COL24A1: variants seen among roughly 807,000 people sequenced by gnomAD.
COL24A1 encodes collagen type XXIV alpha 1 chain, also known as collagen alpha-1(XXIV) chain.
In COL24A1, 224 loss-of-function variants were observed where a neutral mutation model predicts 253.9. The observed-to-expected ratio is 0.88, with a 90% CI of 0.79 to 0.99. COL24A1 has a LOEUF of 0.99. Among genes scored for constraint, COL24A1 ranks in the 50% least tolerant of loss-of-function variants. The probability of loss-of-function intolerance (pLI) is 0.00; values close to 1 mark genes in which losing one functional copy is unlikely to be tolerated. For synonymous variants in COL24A1, 685 were observed against 673.7 expected (o/e 1.02, Z -0.26); for missense variants, 2,131 against 2,068.5 (o/e 1.03, Z -0.59).
chr1:85,812,614 A>C (rs1301567593), intron 47 of COL24A1, among the ~76,000 whole-genome samples: 1 of 152,210 alleles, frequency 6.6e-6, no homozygotes, highest in Non-Finnish European at 1.5e-5. Context: ...GCTAATGATA[A>C]GAAGGTCCGA....
At chr1:86,099,980 G>A (rs71506585) in intron 5 of COL24A1, among the ~76,000 whole-genome samples, 1,928 of 151,844 alleles carry the variant, frequency 0.013, 22 homozygotes, top group Middle Eastern at 0.048. Flanking sequence ...GGGTACATGT[G>A]CACTATACCC....
At chr1:85,738,713 T>C (rs561191476) in intron 57 of COL24A1, among the ~76,000 whole-genome samples, 1 of 152,314 alleles carries the variant, frequency 6.6e-6, no homozygotes, top group Admixed American at 6.5e-5. Flanking sequence ...CATTCCACTT[T>C]TATTCCATAG....
chr1:85,837,461 C>T (rs1156521863), intron 43 of COL24A1, among the ~76,000 whole-genome samples: 1 of 152,002 alleles, frequency 6.6e-6, no homozygotes, highest in African/African-American at 2.4e-5. Context: ...CAGACATGAC[C>T]ACAGGAATTT....
chr1:85,790,167 G>A (rs1033234787), intron 47 of COL24A1, among the ~76,000 whole-genome samples: 5 of 152,046 alleles, frequency 3.3e-5, no homozygotes, highest in African/African-American at 1.2e-4. Flanking sequence ...ATTCAGTTAC[G>A]AATCCATCTA....
intron 1 of COL24A1, among the ~76,000 whole-genome samples, chr1:86,148,725 A>G (rs1327160820): frequency 1.3e-5 from 2 of 152,142 alleles, no homozygotes; most frequent in Non-Finnish European, 1.5e-5. Context: ...TATATGTGCC[A>G]CATTTTCTTA....
intron 45 of COL24A1, among the ~76,000 whole-genome samples, chr1:85,818,679 G>T (rs1439112133): frequency 1.3e-5 from 2 of 152,332 alleles, no homozygotes; most frequent in Admixed American, 1.3e-4. Context: ...GCAGTAATGG[G>T]TCTGCCAGGA....
intron 47 of COL24A1, among the ~76,000 whole-genome samples, chr1:85,789,162 C>T (rs927576824): frequency 6.6e-6 from 1 of 152,154 alleles, no homozygotes; most frequent in African/African-American, 2.4e-5. Flanking sequence ...GCAGTATGGT[C>T]ATTTTCACAA....
intron 57 of COL24A1, among the ~76,000 whole-genome samples, chr1:85,741,851 T>G (rs1421819575): frequency 6.6e-6 from 1 of 152,200 alleles, no homozygotes; most frequent in Non-Finnish European, 1.5e-5. Context: ...ACTACTACCA[T>G]TCCTCTAAAC....
At chr1:85,770,924 T>C (rs1332271367) in intron 53 of COL24A1, among the ~76,000 whole-genome samples, 1 of 152,182 alleles carries the variant, frequency 6.6e-6, no homozygotes, top group Non-Finnish European at 1.5e-5. Context: ...GGTATATGCC[T>C]AAAGCGAATT....
chr1:85,954,144 A>G (rs1690206996), intron 24 of COL24A1, among the ~76,000 whole-genome samples: 1 of 152,190 alleles, frequency 6.6e-6, no homozygotes, highest in African/African-American at 2.4e-5. Flanking sequence ...ACTCTTTAAT[A>G]TGGCACGTAT....
intron 19 of COL24A1, among the ~76,000 whole-genome samples, chr1:85,995,575 C>T (rs1694710248): frequency 6.6e-6 from 1 of 152,010 alleles, no homozygotes; most frequent in South Asian, 2.1e-4. Flanking sequence ...CCCATGGTAC[C>T]CTGAGGAGGG....
chr1:86,092,266 C>A lies in COL24A1; in HGVS notation c.1653+1G>T. The A allele has an allele frequency of 6.3e-7, 1 of 1,591,524 alleles. No individual in the cohort carries two copies. The highest frequency in any genetic ancestry group is 8.6e-7 in the Non-Finnish European group (1 of 1,163,724). Reference sequence around the variant, plus strand: ...ATTTCATTTCATGGTCAAATAATTACCTTTTCTCCAGGAACAGGTTGACCT... The same window carrying A: ...ATTTCATTTCATGGTCAAATAATTAACTTTTCTCCAGGAACAGGTTGACCT... On this transcript the variant is annotated splice_donor_variant, in intron 6 of 59. Coordinates refer to ENST00000370571, the MANE Select transcript of COL24A1 (RefSeq NM_152890.7). LOFTEE classifies it high-confidence loss of function.
chr1:85,966,083 G>C (rs1448530240), intron 22 of COL24A1, among the ~76,000 whole-genome samples: 1 of 152,128 alleles, frequency 6.6e-6, no homozygotes, highest in Non-Finnish European at 1.5e-5. Context: ...CCAAGTGAGA[G>C]ATGATGGGGA....
chr1:86,071,236 A>T (rs1250353825), intron 7 of COL24A1, among the ~76,000 whole-genome samples: 2 of 152,296 alleles, frequency 1.3e-5, no homozygotes, highest in East Asian at 3.9e-4. Context: ...AACCAAAAAA[A>T]CATACAACAG....
In COL24A1 at chr1:85,839,558, T is replaced by A. The variant is rs997270715; in HGVS notation, c.3628-920A>T. Among the ~76,000 whole-genome samples, 3 of 151,300 alleles carry A rather than the reference T, an allele frequency of 2.0e-5. No homozygotes were observed. In the South Asian group the frequency reaches 6.3e-4, roughly 32 times the overall value. On this transcript the variant is annotated intron_variant, in intron 42 of 59. Coordinates refer to ENST00000370571, the MANE Select transcript of COL24A1 (RefSeq NM_152890.7). The stretch of plus-strand genomic sequence containing the variant: ...AGGCAACAGAGAGAGACCCTGTCTC[T>A]AAAAAAAATTAAAAAATAATAAATA...
At chr1:85,763,022 A>G (rs975577072) in intron 53 of COL24A1, among the ~76,000 whole-genome samples, 1 of 152,200 alleles carries the variant, frequency 6.6e-6, no homozygotes, top group Non-Finnish European at 1.5e-5. Flanking sequence ...TAGCCAAGTT[A>G]AAAAAATATG....
intron 24 of COL24A1, among the ~76,000 whole-genome samples, chr1:85,940,922 G>T (rs1415784764): frequency 1.3e-5 from 2 of 152,110 alleles, no homozygotes; most frequent in African/African-American, 2.4e-5. Context: ...AATTTGCCTG[G>T]CAATGTTGTT....
At chr1:86,025,629 A>G (rs1488982091) in intron 14 of COL24A1, among the ~76,000 whole-genome samples, 1 of 152,212 alleles carries the variant, frequency 6.6e-6, no homozygotes, top group Non-Finnish European at 1.5e-5. Context: ...CACCTGAGAG[A>G]TAAAGCAGAG....
intron 7 of COL24A1, among the ~76,000 whole-genome samples, chr1:86,074,337 A>C (rs905803592): frequency 1.3e-5 from 2 of 152,206 alleles, no homozygotes; most frequent in African/African-American, 4.8e-5. Flanking sequence ...AGACTAAACC[A>C]ACAAAGATCA....
Sources: allele counts gnomAD v4.1 joint callset (sites outside exome capture counted in the v4.1 genomes callset), GRCh38; gene constraint gnomAD v4.1.1; transcripts MANE v1.5; gene names NCBI Gene and HGNC (gene_info 2026-07-23, HGNC 2026-07-21).